The following ARHGEF26 variants were observed in gnomAD, a reference collection of about 807,000 sequenced individuals.
ARHGEF26 encodes Rho guanine nucleotide exchange factor 26.
In ARHGEF26, 59 loss-of-function variants were observed where a neutral mutation model predicts 89.4. That is an observed-to-expected ratio of 0.66 (90% CI 0.54 to 0.82). ARHGEF26 has a LOEUF of 0.82. Ranked by LOEUF, ARHGEF26 falls within the 40% of genes least tolerant of loss-of-function variation. The pLI is 0.00. For missense variants in ARHGEF26, 1,234 were observed against 1,085.6 expected, an observed-to-expected ratio of 1.14 and a Z score of -1.92; for synonymous variants, 500 against 428.4, an observed-to-expected ratio of 1.17 and a Z score of -2.06.
At chr3:154,221,410 C>G (rs1033252854) in intron 10 of ARHGEF26, among the ~76,000 whole-genome samples, 1 of 152,142 alleles carries the variant, frequency 6.6e-6, no homozygotes, top group Non-Finnish European at 1.5e-5. Flanking sequence ...CAATGGTGTG[C>G]AATTTGGCAA....
intron 2 of ARHGEF26, 78 bp downstream of exon 2, chr3:154,123,153 GAGGAAA>G: frequency 6.4e-7 from 1 of 1,554,736 alleles, no homozygotes; most frequent in Non-Finnish European, 8.7e-7. Flanking sequence ...GAGGAGCGTA[GAGGAAA>G]CCCGAAGAAG....
intron 9 of ARHGEF26, among the ~76,000 whole-genome samples, chr3:154,206,727 G>T (rs1715040471): frequency 1.3e-5 from 2 of 151,946 alleles, no homozygotes; most frequent in Non-Finnish European, 2.9e-5. Flanking sequence ...TTATTAAACT[G>T]CCATTACATT....
intron 9 of ARHGEF26, among the ~76,000 whole-genome samples, chr3:154,202,365 T>A (rs533216293): frequency 6.6e-6 from 1 of 152,320 alleles, no homozygotes; most frequent in Non-Finnish European, 1.5e-5. Flanking sequence ...TTGGTCTATA[T>A]CTCTGTTTTG....
At chr3:154,155,464 T>G (rs1312963169) in intron 6 of ARHGEF26, among the ~76,000 whole-genome samples, 2 of 152,000 alleles carry the variant, frequency 1.3e-5, no homozygotes, top group Non-Finnish European at 2.9e-5. Flanking sequence ...GCATTTTTTT[T>G]TCTGCTCAAA....
Position 154,122,299 on chromosome 3 carries a change from G to C in ARHGEF26, c.307G>C (p.Ala103Pro), listed in dbSNP as rs746513517. 1 of 1,612,690 alleles carries C rather than the reference G, an allele frequency of 6.2e-7. No homozygotes were observed. The highest frequency in any genetic ancestry group is 2.2e-5 in the East Asian group (1 of 44,850). The change falls in exon 2 of 15, where the codon GCT (alanine) becomes CCT (proline). Residue 103 changes from alanine to proline, a missense_variant. Transcript: ENST00000465093. Reference protein sequence around the residue: ...NGGTASPEYRAASPRLRRPKS... With the variant: ...NGGTASPEYRPASPRLRRPKS... ...TGGGACGGCATCCCCGGAGTACAGGGCTGCCTCTCCTCGACTTCGACGGCC... is the reference window on the plus strand; with the variant it reads ...TGGGACGGCATCCCCGGAGTACAGGCCTGCCTCTCCTCGACTTCGACGGCC...
At chr3:154,233,048 G>C (rs1450003090) in intron 11 of ARHGEF26, among the ~76,000 whole-genome samples, 1 of 151,768 alleles carries the variant, frequency 6.6e-6, no homozygotes, top group Non-Finnish European at 1.5e-5. Context: ...AGCCAGGATG[G>C]TGTGGATCTA....
chr3:154,213,710 T>C (rs1715545061), intron 9 of ARHGEF26, among the ~76,000 whole-genome samples: 1 of 152,140 alleles, frequency 6.6e-6, no homozygotes, highest in Non-Finnish European at 1.5e-5. Context: ...TAAGGTGGGA[T>C]GATCACTTGA....
chr3:154,231,522 C>T (rs1716821345), intron 11 of ARHGEF26, among the ~76,000 whole-genome samples: 1 of 152,146 alleles, frequency 6.6e-6, no homozygotes, highest in Admixed American at 6.5e-5. Context: ...GCTCTTACTA[C>T]AGTGAATATG....
intron 6 of ARHGEF26, among the ~76,000 whole-genome samples, chr3:154,178,355 C>G (rs1453098198): frequency 6.6e-6 from 1 of 152,134 alleles, no homozygotes; most frequent in Non-Finnish European, 1.5e-5. Flanking sequence ...GATTTCATCA[C>G]CTCAAAAAGA....
At chr3:154,220,786 G>T (rs909955532) in intron 10 of ARHGEF26, among the ~76,000 whole-genome samples, 1 of 151,896 alleles carries the variant, frequency 6.6e-6, no homozygotes. Flanking sequence ...TCCAAATCCA[G>T]AAGTCATTAA....
intron 6 of ARHGEF26, among the ~76,000 whole-genome samples, chr3:154,167,697 G>T (rs1262864556): frequency 2.0e-5 from 3 of 152,138 alleles, no homozygotes; most frequent in African/African-American, 7.2e-5. Context: ...TTATGTCACA[G>T]TGCAAAATAC....
chr3:154,122,714 C>G lies in ARHGEF26; in HGVS notation c.722C>G (p.Ala241Gly). 1 of 1,613,598 alleles carries G rather than the reference C, an allele frequency of 6.2e-7. No homozygotes were observed. Among genetic ancestry groups the G allele is most frequent in the African/African-American group, 1.3e-5 (1 of 75,056 alleles). ...PSVVLSTNSP[A>G]ALKVGKQQII... The stretch of plus-strand genomic sequence containing the variant: ...GTGGTTTTGAGTACAAACAGCCCCG[C>G]CGCCCTCAAAGTGGGGAAGCAGCAG... Residue 241 changes from alanine to glycine, a missense_variant, in exon 2 of 15, where the codon GCC (alanine) becomes GGC (glycine). By Grantham distance (60) the Ala-to-Gly change is moderately conservative. Coordinates refer to ENST00000465093, the MANE Select transcript of ARHGEF26 (RefSeq NM_015595.4).
At chr3:154,204,568 G>T (rs980986660) in intron 9 of ARHGEF26, among the ~76,000 whole-genome samples, 11 of 151,988 alleles carry the variant, frequency 7.2e-5, no homozygotes, top group African/African-American at 2.7e-4. Flanking sequence ...GGTCTCCAGT[G>T]ATCCCCCCGC....
Position 154,122,830 on chromosome 3 carries a change from A to T in ARHGEF26, c.838A>T (p.Ser280Cys), listed in dbSNP as rs1262873008. The T allele has an allele frequency of 1.2e-6, 2 of 1,612,770 alleles. No individual in the cohort carries two copies. The highest frequency in any genetic ancestry group is 2.7e-5 in the African/African-American group (2 of 74,942). ...EPHKRLLKVR[S>C]MVEGLGGPLG... The stretch of plus-strand genomic sequence containing the variant: ...CCACAAGAGACTCCTCAAGGTGCGC[A>T]GCATGGTGGAGGGCCTAGGAGGACC... The change falls in exon 2 of 15, where the codon AGC becomes TGC. Residue 280 changes from serine (S) to cysteine (C), a missense_variant. Transcript: ENST00000465093.
At chr3:154,190,878 G>A (rs1713913098) in intron 7 of ARHGEF26, among the ~76,000 whole-genome samples, 1 of 152,058 alleles carries the variant, frequency 6.6e-6, no homozygotes, top group Non-Finnish European at 1.5e-5. Flanking sequence ...CTGGAGAAGT[G>A]GCTTAAAACA....
At chr3:154,175,693 A>G (rs535351831) in intron 6 of ARHGEF26, among the ~76,000 whole-genome samples, 1 of 152,336 alleles carries the variant, frequency 6.6e-6, no homozygotes, top group East Asian at 1.9e-4. Flanking sequence ...TTTCCAGGGA[A>G]CAATTCTCAA....
At chr3:154,224,523 C>T (rs756584027) in intron 10 of ARHGEF26, among the ~76,000 whole-genome samples, 8 of 152,206 alleles carry the variant, frequency 5.3e-5, no homozygotes, top group Non-Finnish European at 1.2e-4. Context: ...TAGGGTTATA[C>T]GCAATAGCAA....
chr3:154,209,766 T>A (rs1041531128), intron 9 of ARHGEF26, among the ~76,000 whole-genome samples: 2 of 152,154 alleles, frequency 1.3e-5, no homozygotes, highest in Non-Finnish European at 2.9e-5. Context: ...TACTGCCTGT[T>A]TACTCAAGGC....
chr3:154,248,243 T>G (rs1167526487), intron 12 of ARHGEF26, among the ~76,000 whole-genome samples: 1 of 152,198 alleles, frequency 6.6e-6, no homozygotes, highest in Non-Finnish European at 1.5e-5. Context: ...CTCACAGAGC[T>G]AGAAGCATAA....
Sources: allele counts gnomAD v4.1 joint callset (sites outside exome capture counted in the v4.1 genomes callset), GRCh38; gene constraint gnomAD v4.1.1; transcripts MANE v1.5; gene names NCBI Gene and HGNC (gene_info 2026-07-23, HGNC 2026-07-21).